Variants in DLG2 observed in about 807,000 individuals in gnomAD.
DLG2 encodes disks large homolog 2.
Under a neutral mutation model 132.5 loss-of-function variants are expected in DLG2, and 45 were observed. The ratio of observed to expected loss-of-function variants is 0.34; its 90% confidence interval spans 0.27 to 0.44. The LOEUF is 0.44. Among genes scored for constraint, DLG2 ranks in the 20% least tolerant of loss-of-function variants. The pLI, the probability that DLG2 is intolerant of heterozygous loss-of-function variation, is 1.00. For missense variants in DLG2, 1,045 were observed against 1,196.9 expected, an observed-to-expected ratio of 0.87 and a Z score of 1.87; for synonymous variants, 424 against 419.6, an observed-to-expected ratio of 1.01 and a Z score of -0.13.
chr11:85,379,060 C>A (rs1005383169), intron 3 of DLG2, among the ~76,000 whole-genome samples: 1 of 152,044 alleles, frequency 6.6e-6, no homozygotes, highest in African/African-American at 2.4e-5. Context: ...TATTTGTGAG[C>A]AAATCATTGA....
rs145061582 is a variant in DLG2, at chr11:84,618,065, A to G, written c.358-83334T>C. ...TGCACTGAAACTTAAACGCTGAAGT[A>G]TCCTGGTAGGTAAATAGTAAAAAGC... On this transcript the variant is annotated intron_variant, in intron 6 of 27. Coordinates refer to ENST00000376104, the MANE Select transcript of DLG2 (RefSeq NM_001142699.3). Among the ~76,000 whole-genome samples, 520 of 152,236 alleles carry G rather than the reference A, an allele frequency of 3.4e-3. 3 individuals carry two copies. Among genetic ancestry groups the G allele is most frequent in the African/African-American group, 0.012 (479 of 41,548 alleles).
At chr11:84,914,725 G>A (rs2092344156) in intron 6 of DLG2, among the ~76,000 whole-genome samples, 1 of 152,202 alleles carries the variant, frequency 6.6e-6, no homozygotes, top group Non-Finnish European at 1.5e-5. Flanking sequence ...TGGTGCCTGA[G>A]CCTAGCATTT....
chr11:85,432,323 A>G (rs2153015909), intron 3 of DLG2, among the ~76,000 whole-genome samples: 1 of 152,276 alleles, frequency 6.6e-6, no homozygotes, highest in Non-Finnish European at 1.5e-5. Flanking sequence ...ACGAAGGATG[A>G]GATAGATGAA....
At chr11:84,099,101 T>C (rs1445563441) in intron 9 of DLG2, 54 bp from the exon 10 acceptor site, 6 of 1,528,662 alleles carry the variant, frequency 3.9e-6, no homozygotes, top group Non-Finnish European at 5.4e-6. Context: ...TAAAACCTAG[T>C]TCCTCTTGCA....
At chr11:85,352,018 G>A (rs2083328866) in intron 3 of DLG2, among the ~76,000 whole-genome samples, 1 of 152,134 alleles carries the variant, frequency 6.6e-6, no homozygotes, top group African/African-American at 2.4e-5. Flanking sequence ...GATAGAATCT[G>A]GCTGTAAATC....
At chr11:84,265,957 G>A (rs949774503) in intron 7 of DLG2, among the ~76,000 whole-genome samples, 2 of 152,054 alleles carry the variant, frequency 1.3e-5, no homozygotes, top group African/African-American at 2.4e-5. Context: ...TATTAACTCT[G>A]AACAGCTGTC....
chr11:85,583,247 C>T (rs551523399), intron 3 of DLG2, among the ~76,000 whole-genome samples: 6 of 145,598 alleles, frequency 4.1e-5, no homozygotes, highest in African/African-American at 1.3e-4. Context: ...CTCACTGCAG[C>T]CTCAACCTCC....
intron 4 of DLG2, among the ~76,000 whole-genome samples, chr11:85,280,605 C>T (rs1243581180): frequency 6.6e-6 from 1 of 151,942 alleles, no homozygotes; most frequent in Non-Finnish European, 1.5e-5. Context: ...AAAATACACA[C>T]ACATATACTT....
intron 18 of DLG2, among the ~76,000 whole-genome samples, chr11:83,748,417 C>T (rs1004953068): frequency 6.6e-6 from 1 of 152,188 alleles, no homozygotes; most frequent in Non-Finnish European, 1.5e-5. Context: ...CCAAGCTTTC[C>T]CTTTCCCTGA....
intron 16 of DLG2, among the ~76,000 whole-genome samples, chr11:83,867,496 T>C (rs1385137195): frequency 1.3e-5 from 2 of 152,202 alleles, no homozygotes; most frequent in African/African-American, 4.8e-5. Flanking sequence ...CTTCGATTTA[T>C]GTTTATTTTT....
At chr11:84,978,935 C>G (rs1001575705) in intron 6 of DLG2, among the ~76,000 whole-genome samples, 3 of 152,096 alleles carry the variant, frequency 2.0e-5, no homozygotes, top group Non-Finnish European at 2.9e-5. Flanking sequence ...GGCTAATATC[C>G]AGAATCTACC....
At chr11:85,192,004 G>T (rs1349535388) in intron 4 of DLG2, among the ~76,000 whole-genome samples, 4 of 152,068 alleles carry the variant, frequency 2.6e-5, no homozygotes, top group Non-Finnish European at 5.9e-5. Flanking sequence ...ACAAATAAGA[G>T]AAATGAAGTG....
chr11:85,613,937 G>C (rs1184427530), intron 2 of DLG2, among the ~76,000 whole-genome samples: 1 of 152,204 alleles, frequency 6.6e-6, no homozygotes, highest in African/African-American at 2.4e-5. Flanking sequence ...AAACCCACCA[G>C]GAGGAATGAA....
chr11:85,443,361 C>A (rs956873910), intron 3 of DLG2, among the ~76,000 whole-genome samples: 43 of 152,250 alleles, frequency 2.8e-4, no homozygotes, highest in African/African-American at 1.0e-3. Flanking sequence ...AGAACATAGC[C>A]CTGTGTTAAG....
chr11:85,399,797 C>T (rs1269627625), intron 3 of DLG2, among the ~76,000 whole-genome samples: 2 of 152,102 alleles, frequency 1.3e-5, no homozygotes, highest in Non-Finnish European at 2.9e-5. Flanking sequence ...GGATTAAAGA[C>T]TTAAATGTTA....
Position 84,592,559 on chromosome 11 carries a change from A to T in DLG2, c.358-57828T>A, listed in dbSNP as rs530526607. ...TACAGAATGGGAGAAATTTTTTGCA[A>T]TCTATCCATCTGACAAAGGGCTAAT... On this transcript the variant is annotated intron_variant, in intron 6 of 27. Coordinates refer to ENST00000376104, the MANE Select transcript of DLG2 (RefSeq NM_001142699.3). Among the ~76,000 whole-genome samples, 92 of 152,266 alleles carry T rather than the reference A, an allele frequency of 6.0e-4. 1 individual carries two copies. The South Asian group carries it at 0.018, about 31-fold the overall frequency.
At chr11:83,787,621 G>C (rs367753564) in intron 17 of DLG2, among the ~76,000 whole-genome samples, 1 of 152,030 alleles carries the variant, frequency 6.6e-6, no homozygotes, top group South Asian at 2.1e-4. Flanking sequence ...GCGCCCGGCC[G>C]CCTTGTTTTA....
intron 6 of DLG2, among the ~76,000 whole-genome samples, chr11:85,053,213 C>T (rs1047035437): frequency 6.6e-6 from 1 of 152,040 alleles, no homozygotes; most frequent in African/African-American, 2.4e-5. Context: ...ACCTTCCAGC[C>T]CTGCCATTCC....
chr11:84,853,276 C>T (rs1017639900), intron 6 of DLG2, among the ~76,000 whole-genome samples: 2 of 152,002 alleles, frequency 1.3e-5, no homozygotes, highest in African/African-American at 2.4e-5. Context: ...GAAAGGCAAA[C>T]GTGACCCAGT....
Sources: gnomAD v4.1 joint callset for allele counts (sites outside exome capture counted in the v4.1 genomes callset) on GRCh38, gnomAD v4.1.1 for gene constraint, MANE v1.5 for transcripts, NCBI Gene and HGNC (gene_info 2026-07-23, HGNC 2026-07-21) for gene names.